The following MARCHF1 variants were observed in gnomAD, a reference collection of about 807,000 sequenced individuals.
MARCHF1 encodes the protein membrane associated ring-CH-type finger 1.
MARCHF1 carries 40 observed loss-of-function variants against 54.2 expected under a neutral mutation model. The observed-to-expected ratio is 0.74, with a 90% CI of 0.57 to 0.96. The LOEUF (loss-of-function observed/expected upper bound fraction) is 0.96, where lower values mean the gene tolerates loss of function less well. Ranked by LOEUF, MARCHF1 falls within the 40% of genes least tolerant of loss-of-function variation. MARCHF1 has a pLI of 0.00. For synonymous variants in MARCHF1, 236 were observed against 236.3 expected (o/e 1.00, Z 0.01); for missense variants, 586 against 656.5 (o/e 0.89, Z 1.17).
At chr4:164,313,944 A>C (rs540809790) in intron 1 of MARCHF1, among the ~76,000 whole-genome samples, 1 of 152,340 alleles carries the variant, frequency 6.6e-6, no homozygotes, top group South Asian at 2.1e-4. Flanking sequence ...AAAAGAAAAC[A>C]GTCTCCCAGC....
At chr4:164,185,219 T>C (rs1730935661) in intron 1 of MARCHF1, among the ~76,000 whole-genome samples, 1 of 152,240 alleles carries the variant, frequency 6.6e-6, no homozygotes, top group Non-Finnish European at 1.5e-5. Context: ...TTGTATTTGC[T>C]GTATGTTGCA....
Position 163,633,890 on chromosome 4 carries a change from C to T in MARCHF1, c.163-20497G>A, listed in dbSNP as rs191824547. ...AAAGGGAAGCCCATCAGACTAACGG[C>T]GGATCTCATGGCAGACACCCTACAA... On this transcript the variant is annotated intron_variant, in intron 5 of 9. Transcript: ENST00000514618. Among the ~76,000 whole-genome samples, 396 of 152,238 alleles carry T rather than the reference C, an allele frequency of 2.6e-3. 1 individual carries two copies. Among genetic ancestry groups the T allele is most frequent in the African/African-American group, 9.0e-3 (375 of 41,532 alleles).
Position 164,113,198 on chromosome 4 carries a change from C to A in MARCHF1, c.-322-1536G>T, listed in dbSNP as rs957564972. 3.3e-5 allele frequency among the ~76,000 whole-genome samples: 5 copies of A among 151,734 alleles called. No homozygotes were observed. The South Asian group carries it at 8.3e-4, about 25-fold the overall frequency. On this transcript the variant is annotated intron_variant, in intron 1 of 9. Transcript: ENST00000514618. ...TATATTAAAATCCAAGTTCCAAATACAAGGTATTATGAAATATCATTGGGT... is the reference window on the plus strand; with the variant it reads ...TATATTAAAATCCAAGTTCCAAATAAAAGGTATTATGAAATATCATTGGGT...
chr4:164,350,812 C>T (rs999868241), intron 1 of MARCHF1, among the ~76,000 whole-genome samples: 5 of 152,104 alleles, frequency 3.3e-5, no homozygotes, highest in African/African-American at 9.6e-5. Context: ...GCGTGAGCGA[C>T]GCAGAAGATG....
intron 5 of MARCHF1, among the ~76,000 whole-genome samples, chr4:163,648,366 ATTG>A (rs1316918209): frequency 6.6e-6 from 1 of 151,928 alleles, no homozygotes; most frequent in Non-Finnish European, 1.5e-5. Context: ...TGTACAGAAC[ATTG>A]TCTAAGGATT....
At chr4:164,147,670 T>G (rs1405317216) in intron 1 of MARCHF1, among the ~76,000 whole-genome samples, 5 of 87,258 alleles carry the variant, frequency 5.7e-5, no homozygotes, top group Non-Finnish European at 1.0e-4. Flanking sequence ...TGGGGCCTGT[T>G]ATGGGGTGGG....
At chr4:164,157,633 T>A (rs1730112758) in intron 1 of MARCHF1, among the ~76,000 whole-genome samples, 1 of 152,142 alleles carries the variant, frequency 6.6e-6, no homozygotes. Context: ...CTGTCTAGCA[T>A]CTGGGTAATT....
chr4:164,251,732 T>G (rs986403911), intron 1 of MARCHF1, among the ~76,000 whole-genome samples: 1 of 152,066 alleles, frequency 6.6e-6, no homozygotes, highest in South Asian at 2.1e-4. Context: ...TATTAACCCT[T>G]CCAGCAGAAT....
At chr4:164,276,243 T>C (rs1291465119) in intron 1 of MARCHF1, among the ~76,000 whole-genome samples, 1 of 152,178 alleles carries the variant, frequency 6.6e-6, no homozygotes, top group East Asian at 1.9e-4. Flanking sequence ...CAGTGGCATT[T>C]AATGATAAGA....
chr4:164,084,034 C>T (rs1444104229), intron 2 of MARCHF1, among the ~76,000 whole-genome samples: 1 of 151,950 alleles, frequency 6.6e-6, no homozygotes, highest in Non-Finnish European at 1.5e-5. Flanking sequence ...CTAAAAATCA[C>T]TGAGCATGTG....
chr4:164,267,784 C>A (rs897192229), intron 1 of MARCHF1, among the ~76,000 whole-genome samples: 3 of 152,104 alleles, frequency 2.0e-5, no homozygotes, highest in African/African-American at 7.2e-5. Flanking sequence ...ATAAAATAAA[C>A]CTGCAAAGAG....
intron 4 of MARCHF1, among the ~76,000 whole-genome samples, chr4:163,765,939 T>C (rs1465752000): frequency 6.8e-6 from 1 of 147,784 alleles, no homozygotes; most frequent in Admixed American, 6.8e-5. Flanking sequence ...TACATATAAA[T>C]ATATATAATA....
chr4:164,124,471 T>C (rs76043299), intron 1 of MARCHF1, among the ~76,000 whole-genome samples: 1,587 of 152,306 alleles, frequency 0.01, 24 homozygotes, highest in African/African-American at 0.036. Context: ...AAGAGATATC[T>C]GCACTCATGT....
chr4:163,970,805 A>C (rs1752531955), intron 3 of MARCHF1, among the ~76,000 whole-genome samples: 1 of 152,196 alleles, frequency 6.6e-6, no homozygotes, highest in South Asian at 2.1e-4. Flanking sequence ...ATTTTATGTA[A>C]AATCTTTATT....
intron 3 of MARCHF1, among the ~76,000 whole-genome samples, chr4:163,951,912 T>C (rs2110783946): frequency 6.6e-6 from 1 of 152,316 alleles, no homozygotes; most frequent in East Asian, 1.9e-4. Context: ...CTACACACTG[T>C]GAATTATAGA....
chr4:163,547,637 T>TG (rs1444522047), intron 8 of MARCHF1, among the ~76,000 whole-genome samples: 2 of 152,254 alleles, frequency 1.3e-5, no homozygotes, highest in East Asian at 3.8e-4. Flanking sequence ...CTCTGCCACT[T>TG]GCTGTCAAAT....
chr4:164,194,908 C>T (rs761139602), intron 1 of MARCHF1, among the ~76,000 whole-genome samples: 8 of 151,972 alleles, frequency 5.3e-5, no homozygotes, highest in South Asian at 2.1e-4. Flanking sequence ...CCGTCATCTA[C>T]GTTAGGTATT....
chr4:163,737,214 A>T lies in MARCHF1; in HGVS notation c.112-36351T>A, dbSNP rs1276111641. 3.9e-3 allele frequency among the ~76,000 whole-genome samples: 169 copies of T among 43,448 alleles called. 3 individuals carry two copies. The highest frequency in any genetic ancestry group is 0.013 in the Middle Eastern group (1 of 76). The allele number at this position is 43,448 out of a possible 152,430, so 28.5% of individuals were successfully genotyped here. On this transcript the variant is annotated intron_variant, in intron 4 of 9. Transcript: ENST00000514618. ...TTAGTTTATTTATTTATTTTTTTTA[A>T]TTTTTTTTTTTTTTATTATACTCTA...
In MARCHF1 at chr4:163,978,628, C is replaced by T. The variant is rs75985948; in HGVS notation, c.-39+9873G>A. Among the ~76,000 whole-genome samples, 1,512 of 152,264 alleles carry T rather than the reference C, an allele frequency of 9.9e-3. 27 individuals carry two copies. The highest frequency in any genetic ancestry group is 0.034 in the African/African-American group (1,429 of 41,546). Reference sequence around the variant, plus strand: ...CAGTCAGTCTTCTTCCAGATACATGCTTTTAACCACCTTACTCTGTTGCCA... The same window carrying T: ...CAGTCAGTCTTCTTCCAGATACATGTTTTTAACCACCTTACTCTGTTGCCA... On this transcript the variant is annotated intron_variant, in intron 3 of 9. Coordinates refer to ENST00000514618, the MANE Select transcript of MARCHF1 (RefSeq NM_001394959.1).
Sources: gnomAD v4.1 joint callset for allele counts (sites outside exome capture counted in the v4.1 genomes callset) on GRCh38, gnomAD v4.1.1 for gene constraint, MANE v1.5 for transcripts, NCBI Gene and HGNC (gene_info 2026-07-23, HGNC 2026-07-21) for gene names.